E2F6: variants seen among roughly 807,000 people sequenced by gnomAD.
E2F6 encodes the protein E2F transcription factor 6, also known as transcription factor E2F6.
In E2F6, 19 loss-of-function variants were observed where a neutral mutation model predicts 31.5. The observed-to-expected ratio is 0.60, with a 90% CI of 0.42 to 0.89. The LOEUF (loss-of-function observed/expected upper bound fraction) is 0.89, where lower values mean the gene tolerates loss of function less well. Ranked by LOEUF, E2F6 falls within the 40% of genes least tolerant of loss-of-function variation. The pLI is 0.00. For synonymous variants in E2F6, 121 were observed against 127.7 expected (o/e 0.95, Z 0.36); for missense variants, 269 against 341.6 (o/e 0.79, Z 1.67).
intron 1 of E2F6, among the ~76,000 whole-genome samples, chr2:11,457,520 G>A (rs1671483517): frequency 1.3e-5 from 2 of 152,294 alleles, no homozygotes; most frequent in African/African-American, 2.4e-5. Context: ...CTACTTGGGA[G>A]GCTGTGGCAA....
At chr2:11,459,947 G>T (rs1671670195) in intron 1 of E2F6, among the ~76,000 whole-genome samples, 1 of 152,086 alleles carries the variant, frequency 6.6e-6, no homozygotes, top group East Asian at 1.9e-4. Context: ...GAATGGAGAA[G>T]TCAGAGGCTT....
intron 2 of E2F6, chr2:11,455,490 G>T (rs1205756600): frequency 1.5e-6 from 2 of 1,292,506 alleles, no homozygotes; most frequent in Non-Finnish European, 2.0e-6. Context: ...GATTAAATAG[G>T]CGTAAATTAG....
At chr2:11,455,399 C>T (rs1394819331) in intron 2 of E2F6, 1 of 1,275,770 alleles carries the variant, frequency 7.8e-7, no homozygotes, top group African/African-American at 1.6e-5. Context: ...AGTTTAAAGA[C>T]CACTGGCGGT....
At chr2:11,458,394 A>G in intron 1 of E2F6, 1 of 1,545,472 alleles carries the variant, frequency 6.5e-7, no homozygotes, top group Non-Finnish European at 8.8e-7. Flanking sequence ...GGTACCGGAA[A>G]TGAACAAAGG....
chr2:11,458,483 T>C, intron 1 of E2F6: 2 of 843,332 alleles, frequency 2.4e-6, no homozygotes, highest in Non-Finnish European at 2.0e-6. Context: ...ACTTTGAAGC[T>C]GGGAGGGCAT....
chr2:11,447,315 G>C (rs1310272748), intron 6 of E2F6, among the ~76,000 whole-genome samples: 1 of 152,152 alleles, frequency 6.6e-6, no homozygotes, highest in Non-Finnish European at 1.5e-5. Flanking sequence ...AAGTCTCCCG[G>C]CCAGGTCATG....
chr2:11,448,997 T>C (rs1201226549), intron 5 of E2F6, among the ~76,000 whole-genome samples: 1 of 152,202 alleles, frequency 6.6e-6, no homozygotes, highest in African/African-American at 2.4e-5. Context: ...AGACTTTAAA[T>C]AGGACTCTAA....
intron 3 of E2F6, among the ~76,000 whole-genome samples, chr2:11,452,081 A>G (rs1307642799): frequency 6.6e-6 from 1 of 152,212 alleles, no homozygotes; most frequent in Non-Finnish European, 1.5e-5. Context: ...CTAAGGAAAT[A>G]AAAAGGGCAC....
intron 1 of E2F6, among the ~76,000 whole-genome samples, chr2:11,463,264 T>G (rs1175921882): frequency 6.6e-6 from 1 of 152,210 alleles, no homozygotes; most frequent in Non-Finnish European, 1.5e-5. Flanking sequence ...CTCCTCCTCT[T>G]ACTCTTGTTC....
intron 3 of E2F6, 151 bp downstream of exon 3, chr2:11,453,431 T>C: frequency 1.4e-6 from 1 of 733,952 alleles, no homozygotes; most frequent in Non-Finnish European, 2.2e-6. Context: ...CTCTCTAGGA[T>C]GATGCAAGAA....
At chr2:11,460,114 T>C (rs917305949) in intron 1 of E2F6, among the ~76,000 whole-genome samples, 5 of 152,054 alleles carry the variant, frequency 3.3e-5, no homozygotes, top group Non-Finnish European at 5.9e-5. Flanking sequence ...TACTTTATTG[T>C]GTAGCTTTGA....
intron 2 of E2F6, chr2:11,455,387 T>G: frequency 7.9e-7 from 1 of 1,257,880 alleles, no homozygotes; most frequent in Non-Finnish European, 1.0e-6. Context: ...AATGTCACAT[T>G]TAGTTTAAAG....
Position 11,446,511 on chromosome 2 carries a change from T to C in E2F6, c.812A>G (p.Gln271Arg), listed in dbSNP as rs1670721665. ...PEGPEEEENP[Q>R]QSEELLEVSN ...TACTTCAAGCAATTCTTCACTTTGC[T>C]GAGGATTTTCTTCTGGAAAAGAACA... The change falls in exon 7 of 7, where the codon CAG becomes CGG. Residue 271 changes from glutamine (Q) to arginine (R), a missense_variant. By Grantham distance (43) the Gln-to-Arg change is conservative. Transcript: ENST00000381525. The C allele has an allele frequency of 3.7e-6, 6 of 1,613,480 alleles. No individual in the cohort carries two copies. Among genetic ancestry groups the C allele is most frequent in the Non-Finnish European group, 5.1e-6 (6 of 1,179,602 alleles).
chr2:11,461,295 C>T (rs1671764327), intron 1 of E2F6, among the ~76,000 whole-genome samples: 1 of 152,160 alleles, frequency 6.6e-6, no homozygotes, highest in African/African-American at 2.4e-5. Flanking sequence ...CCAACCAATA[C>T]CCTCACTTTA....
intron 2 of E2F6, chr2:11,455,623 G>T: frequency 2.4e-6 from 1 of 422,024 alleles, no homozygotes; most frequent in South Asian, 2.3e-5. Flanking sequence ...TTATTAACAA[G>T]GCATGGTCTT....
intron 3 of E2F6, among the ~76,000 whole-genome samples, chr2:11,452,688 A>AT (rs1287745800): frequency 2.0e-5 from 3 of 151,736 alleles, no homozygotes; most frequent in Non-Finnish European, 4.4e-5. Context: ...ACTGATTTTC[A>AT]TTTTTTTCTT....
intron 2 of E2F6, among the ~76,000 whole-genome samples, chr2:11,456,154 T>G (rs1418695161): frequency 1.3e-5 from 2 of 152,242 alleles, no homozygotes; most frequent in East Asian, 3.8e-4. Flanking sequence ...CTGCCTTGTT[T>G]CTTTTAATAT....
intron 5 of E2F6, among the ~76,000 whole-genome samples, chr2:11,449,185 C>T (rs1401232083): frequency 6.6e-6 from 1 of 152,208 alleles, no homozygotes; most frequent in Non-Finnish European, 1.5e-5. Flanking sequence ...GGAAACATCA[C>T]CAAGAAATCA....
intron 2 of E2F6, chr2:11,455,506 T>C: frequency 3.1e-6 from 4 of 1,280,502 alleles, no homozygotes; most frequent in Non-Finnish European, 4.1e-6. Context: ...ATTAGGAATT[T>C]AAAAGGATTT....
Sources: gnomAD v4.1 joint callset for allele counts (sites outside exome capture counted in the v4.1 genomes callset) on GRCh38, gnomAD v4.1.1 for gene constraint, MANE v1.5 for transcripts, NCBI Gene and HGNC (gene_info 2026-07-23, HGNC 2026-07-21) for gene names.